The following SOAT1 variants were observed in gnomAD, a reference collection of about 807,000 sequenced individuals.
The protein encoded by SOAT1 is sterol O-acyltransferase 1, also known as acyl-coenzyme A:cholesterol acyltransferase 1.
SOAT1 carries 55 observed loss-of-function variants against 69.5 expected under a neutral mutation model. The observed-to-expected ratio is 0.79, with a 90% confidence interval of 0.64 to 0.99. SOAT1 has a LOEUF of 0.99. Ranked by LOEUF, SOAT1 falls within the 50% of genes least tolerant of loss-of-function variation. SOAT1 has a pLI of 0.00. For missense variants in SOAT1, 580 were observed against 669.3 expected, an observed-to-expected ratio of 0.87 and a Z score of 1.47; for synonymous variants, 231 against 224.7, an observed-to-expected ratio of 1.03 and a Z score of -0.25.
intron 2 of SOAT1, among the ~76,000 whole-genome samples, chr1:179,322,444 G>T (rs1049928811): frequency 1.3e-5 from 2 of 151,506 alleles, no homozygotes; most frequent in African/African-American, 4.9e-5. Context: ...GTGCAGTGGC[G>T]CAATCTCGGC....
Position 179,335,654 on chromosome 1 carries a change from C to G in SOAT1, c.326C>G (p.Ala109Gly). Residue 109 changes from alanine to glycine, a missense_variant, in exon 4 of 16, where the codon GCG becomes GGG. Physicochemically the swap from Ala to Gly is moderately conservative, Grantham distance 60 (BLOSUM62 0). Transcript: ENST00000367619. The stretch of plus-strand genomic sequence containing the variant: ...GAAGGAGAGAAAAACAACCATAGAG[C>G]GAAGTAAGTATGTGCTATTTTCTTT... The part of the protein sequence containing the change: ...VLEGEKNNHR[A>G]KDLRAPPEQG... 6.2e-7 allele frequency: 1 copy of G among 1,610,926 alleles called. No individual in the cohort carries two copies. Among genetic ancestry groups the G allele is most frequent in the Non-Finnish European group, 8.5e-7 (1 of 1,178,642 alleles).
intron 1 of SOAT1, among the ~76,000 whole-genome samples, chr1:179,298,167 C>T (rs1664716768): frequency 6.6e-6 from 1 of 151,614 alleles, no homozygotes; most frequent in Admixed American, 6.6e-5. Flanking sequence ...TCACTGCAAC[C>T]TCCACCTCCG....
intron 2 of SOAT1, among the ~76,000 whole-genome samples, chr1:179,316,485 C>T (rs1446735876): frequency 6.6e-6 from 1 of 152,112 alleles, no homozygotes; most frequent in Non-Finnish European, 1.5e-5. Flanking sequence ...CAACCTCCAC[C>T]TCCCGGGTTC....
At chr1:179,317,106 A>G (rs1380300261) in intron 2 of SOAT1, among the ~76,000 whole-genome samples, 2 of 152,240 alleles carry the variant, frequency 1.3e-5, no homozygotes, top group Non-Finnish European at 2.9e-5. Context: ...ATATGCCTCC[A>G]AAGTTCATTT....
chr1:179,335,156 G>A (rs1352287665), intron 3 of SOAT1, among the ~76,000 whole-genome samples: 2 of 151,966 alleles, frequency 1.3e-5, no homozygotes, highest in African/African-American at 4.8e-5. Context: ...TTGAGCCCTA[G>A]AGTTCAGCTT....
At chr1:179,301,390 T>G (rs1184221207) in intron 1 of SOAT1, among the ~76,000 whole-genome samples, 2 of 152,226 alleles carry the variant, frequency 1.3e-5, no homozygotes, top group Non-Finnish European at 2.9e-5. Flanking sequence ...TCTAGTCTTT[T>G]CCCTCATCAC....
rs1666469180 is a variant in SOAT1, at chr1:179,344,839, C to T, written c.988-108C>T. ...ACTAGTGTTAAATGGAATACATATG[C>T]GAACATTACTGTAAGGGTCACATCT... On this transcript the variant is annotated intron_variant, in intron 10 of 15. Transcript: ENST00000367619. 1.7e-5 allele frequency: 17 copies of T among 1,003,728 alleles called. No individual in the cohort carries two copies. In the South Asian group the frequency reaches 1.7e-4, roughly 10 times the overall value. The allele number at this position is 1,003,728 out of a possible 1,614,324, so 62.2% of individuals were successfully genotyped here. A position where few individuals can be genotyped will look rare whatever the true frequency, so the allele number is the denominator to read the frequency against.
intron 3 of SOAT1, among the ~76,000 whole-genome samples, chr1:179,328,220 A>G (rs1665854125): frequency 6.6e-6 from 1 of 152,186 alleles, no homozygotes; most frequent in Non-Finnish European, 1.5e-5. Context: ...TACAGGAGGG[A>G]TCCACCATCC....
chr1:179,318,974 G>A (rs1447921871), intron 2 of SOAT1, among the ~76,000 whole-genome samples: 3 of 152,042 alleles, frequency 2.0e-5, no homozygotes, highest in African/African-American at 7.2e-5. Flanking sequence ...CTAGTCCTAG[G>A]TCTTATGTTG....
chr1:179,336,240 A>G (rs1020032387), intron 4 of SOAT1, among the ~76,000 whole-genome samples: 1 of 151,710 alleles, frequency 6.6e-6, no homozygotes, highest in African/African-American at 2.4e-5. Context: ...AGGCGGGTGG[A>G]TCACTTGAGG....
intron 2 of SOAT1, among the ~76,000 whole-genome samples, chr1:179,306,102 G>C (rs1020578938): frequency 1.2e-4 from 19 of 152,168 alleles, no homozygotes; most frequent in Non-Finnish European, 2.8e-4. Flanking sequence ...TGTGTGTGGT[G>C]TTTTGTTTGC....
At chr1:179,346,649 T>C (rs1666543448) in intron 11 of SOAT1, among the ~76,000 whole-genome samples, 1 of 152,232 alleles carries the variant, frequency 6.6e-6, no homozygotes, top group East Asian at 1.9e-4. Flanking sequence ...GTTAACCATG[T>C]CACTATTAAC....
At chr1:179,348,317 T>C (rs1024794107) in intron 12 of SOAT1, among the ~76,000 whole-genome samples, 3 of 152,198 alleles carry the variant, frequency 2.0e-5, no homozygotes, top group Admixed American at 2.0e-4. Flanking sequence ...AGATTTTAGA[T>C]ACCTGATTTC....
At chr1:179,348,566 A>G (rs1288076080) in intron 12 of SOAT1, among the ~76,000 whole-genome samples, 1 of 152,148 alleles carries the variant, frequency 6.6e-6, no homozygotes, top group Non-Finnish European at 1.5e-5. Flanking sequence ...AAATGATTCT[A>G]TGTGTTCCGT....
chr1:179,353,860 G>C lies in SOAT1; in HGVS notation c.*219G>C. Reference sequence around the variant, plus strand: ...GAGCAGAACTTTTTTTGTGGGGCTGGGTGGGGGGAGAAGACCGACTAACAG... The same window carrying C: ...GAGCAGAACTTTTTTTGTGGGGCTGCGTGGGGGGAGAAGACCGACTAACAG... On this transcript the variant is annotated 3_prime_UTR_variant, in exon 16 of 16. Transcript: ENST00000367619. 1.9e-6 allele frequency: 1 copy of C among 519,312 alleles called. No homozygotes were observed. Among genetic ancestry groups the C allele is most frequent in the Non-Finnish European group, 3.4e-6 (1 of 297,134 alleles). The allele number at this position is 519,312 out of a possible 1,614,324, so 32.2% of individuals were successfully genotyped here.
intron 2 of SOAT1, among the ~76,000 whole-genome samples, chr1:179,320,700 T>G (rs1404500101): frequency 1.3e-5 from 2 of 152,168 alleles, no homozygotes; most frequent in African/African-American, 4.8e-5. Flanking sequence ...CATCAGATAT[T>G]ATAAAGTTGA....
intron 5 of SOAT1, 63 bp downstream of exon 5, chr1:179,337,959 T>G: frequency 8.5e-7 from 1 of 1,178,234 alleles, no homozygotes; most frequent in Non-Finnish European, 1.2e-6. Context: ...GATAGAATCA[T>G]TGCTTAGTAT....
chr1:179,304,280 CTTT>C (rs369740783), intron 2 of SOAT1, among the ~76,000 whole-genome samples: 8 of 137,874 alleles, frequency 5.8e-5, no homozygotes, highest in Admixed American at 1.4e-4. Flanking sequence ...TCTTTCTCTC[CTTT>C]TTTTTTTTTT....
chr1:179,324,704 ATTGT>A (rs1032711797), intron 3 of SOAT1, among the ~76,000 whole-genome samples: 1 of 152,172 alleles, frequency 6.6e-6, no homozygotes, highest in African/African-American at 2.4e-5. Context: ...ATCATAAGAG[ATTGT>A]TTAAGGATTT....
Sources: allele counts gnomAD v4.1 joint callset (sites outside exome capture counted in the v4.1 genomes callset), GRCh38; gene constraint gnomAD v4.1.1; transcripts MANE v1.5; gene names NCBI Gene and HGNC (gene_info 2026-07-23, HGNC 2026-07-21).